Variants in STEAP1B observed in about 807,000 individuals in gnomAD.
The protein encoded by STEAP1B is STEAP family protein MGC87042.
In STEAP1B, 13 loss-of-function variants were observed where a neutral mutation model predicts 27.9. That is an observed-to-expected ratio of 0.47 (90% confidence interval 0.30 to 0.74). The LOEUF (loss-of-function observed/expected upper bound fraction) is 0.74. STEAP1B is among the 30% of genes least tolerant of loss of function. STEAP1B has a pLI of 0.06. For missense variants in STEAP1B, 250 were observed against 298.7 expected, an observed-to-expected ratio of 0.84 and a Z score of 1.20; for synonymous variants, 86 against 107.1, an observed-to-expected ratio of 0.80 and a Z score of 1.22.
chr7:22,467,810 T>G (rs541273199), intron 4 of STEAP1B, among the ~76,000 whole-genome samples: 28 of 152,272 alleles, frequency 1.8e-4, no homozygotes, highest in Admixed American at 3.3e-4. Context: ...TTTATCAGCA[T>G]TGTGAAAATG....
intron 4 of STEAP1B, among the ~76,000 whole-genome samples, chr7:22,471,449 A>C (rs768802720): frequency 6.6e-6 from 1 of 152,178 alleles, no homozygotes; most frequent in Non-Finnish European, 1.5e-5. Context: ...AGCTTATGAC[A>C]TTTCATAGCG....
intron 1 of STEAP1B, among the ~76,000 whole-genome samples, chr7:22,496,005 T>G (rs2128418956): frequency 6.6e-6 from 1 of 152,322 alleles, no homozygotes; most frequent in Middle Eastern, 3.4e-3. Flanking sequence ...TCAGGAGGTC[T>G]TCCAGAAGAA....
At chr7:22,455,735 T>G (rs1405396447) in intron 4 of STEAP1B, among the ~76,000 whole-genome samples, 2 of 152,212 alleles carry the variant, frequency 1.3e-5, no homozygotes, top group African/African-American at 4.8e-5. Context: ...ATGTGCTATT[T>G]CTCACATATC....
At chr7:22,447,066 G>C (rs1213696681) in intron 4 of STEAP1B, among the ~76,000 whole-genome samples, 2 of 152,158 alleles carry the variant, frequency 1.3e-5, no homozygotes, top group Admixed American at 1.3e-4. Context: ...AATGTCTGAA[G>C]AGCTCAGTGA....
At chr7:22,491,284 T>A (rs1786317011) in intron 4 of STEAP1B, among the ~76,000 whole-genome samples, 1 of 152,208 alleles carries the variant, frequency 6.6e-6, no homozygotes, top group Non-Finnish European at 1.5e-5. Flanking sequence ...ATATAATAAA[T>A]GTTTATTAAA....
At chr7:22,495,207 A>G (rs10230152) in intron 1 of STEAP1B, among the ~76,000 whole-genome samples, 16,200 of 152,274 alleles carry the variant, frequency 0.11, 1,065 homozygotes, top group African/African-American at 0.17. Flanking sequence ...CATCTGGAGG[A>G]AAGCCAACTC....
chr7:22,431,084 T>C (rs1785181266), intron 4 of STEAP1B, among the ~76,000 whole-genome samples: 1 of 152,226 alleles, frequency 6.6e-6, no homozygotes, highest in South Asian at 2.1e-4. Context: ...GGCTTTAAGA[T>C]GTTTTTGGCT....
chr7:22,456,977 T>A (rs1266114301), intron 4 of STEAP1B, among the ~76,000 whole-genome samples: 1,904 of 98,920 alleles, frequency 0.019, 188 homozygotes, highest in East Asian at 0.053. Flanking sequence ...TATATATTTT[T>A]TTTTTTTTTA....
chr7:22,444,424 T>TA (rs11332138), intron 4 of STEAP1B, among the ~76,000 whole-genome samples: 49,659 of 149,576 alleles, frequency 0.33, 8,354 homozygotes, highest in Middle Eastern at 0.43. Context: ...TTCCCTGTTT[T>TA]AAAAAAAAAA....
chr7:22,499,371 G>A (rs1472624884), intron 1 of STEAP1B, among the ~76,000 whole-genome samples: 2 of 141,926 alleles, frequency 1.4e-5, no homozygotes, highest in Non-Finnish European at 3.1e-5. Flanking sequence ...AAGTGAAGTC[G>A]AGTTTTTTGG....
At chr7:22,449,144 C>T (rs934169082) in intron 4 of STEAP1B, among the ~76,000 whole-genome samples, 4 of 151,848 alleles carry the variant, frequency 2.6e-5, no homozygotes, top group Non-Finnish European at 4.4e-5. Context: ...ACAAACAATC[C>T]GATTACACTC....
intron 4 of STEAP1B, among the ~76,000 whole-genome samples, chr7:22,472,499 G>GT (rs1785901973): frequency 1.3e-5 from 2 of 152,226 alleles, no homozygotes. Context: ...CCATGATGAC[G>GT]TAAGAACAGA....
intron 4 of STEAP1B, among the ~76,000 whole-genome samples, chr7:22,439,168 C>T (rs1022527379): frequency 5.9e-5 from 9 of 151,436 alleles, no homozygotes; most frequent in Non-Finnish European, 1.0e-4. Context: ...TTTAAGAATG[C>T]CGTGCCCCTA....
intron 4 of STEAP1B, among the ~76,000 whole-genome samples, chr7:22,453,517 T>C (rs770533736): frequency 2.0e-5 from 3 of 152,250 alleles, no homozygotes; most frequent in Non-Finnish European, 4.4e-5. Context: ...CACAGCTCTG[T>C]ACCTGAAGCT....
chr7:22,441,596 T>C (rs1286493659), intron 4 of STEAP1B, among the ~76,000 whole-genome samples: 1 of 152,222 alleles, frequency 6.6e-6, no homozygotes, highest in Non-Finnish European at 1.5e-5. Context: ...AAAAGATGCT[T>C]TGAAGACAAA....
At chr7:22,456,964 A>ATTTTTTTTTTTT (rs1332500011) in intron 4 of STEAP1B, among the ~76,000 whole-genome samples, 1 of 33,074 alleles carries the variant, frequency 3.0e-5, no homozygotes, top group Non-Finnish European at 6.4e-5. Context: ...ATATATATAT[A>ATTTTTTTTTTTT]TATATATATT....
chr7:22,444,020 G>A (rs1303005267), intron 4 of STEAP1B, among the ~76,000 whole-genome samples: 2 of 152,226 alleles, frequency 1.3e-5, no homozygotes, highest in African/African-American at 2.4e-5. Context: ...AAGGAAGCCA[G>A]AGACCACCAC....
intron 4 of STEAP1B, among the ~76,000 whole-genome samples, chr7:22,425,927 T>C (rs1785100128): frequency 6.6e-6 from 1 of 152,268 alleles, no homozygotes; most frequent in South Asian, 2.1e-4. Context: ...CAGCCCTTAG[T>C]GGCTACAAAA....
At chr7:22,456,710 C>T (rs1206143381) in intron 4 of STEAP1B, among the ~76,000 whole-genome samples, 1 of 151,628 alleles carries the variant, frequency 6.6e-6, no homozygotes, top group Non-Finnish European at 1.5e-5. Flanking sequence ...GAACCCCCAG[C>T]CAATCCTTTC....
Sources: allele counts gnomAD v4.1 joint callset (sites outside exome capture counted in the v4.1 genomes callset), GRCh38; gene constraint gnomAD v4.1.1; transcripts MANE v1.5; gene names NCBI Gene and HGNC (gene_info 2026-07-23, HGNC 2026-07-21).